Variants in NSDHL observed in about 807,000 individuals in gnomAD.
NSDHL encodes the protein sterol-4-alpha-carboxylate 3-dehydrogenase, decarboxylating.
NSDHL carries 1 observed loss-of-function variant against 23.0 expected under a neutral mutation model. The observed-to-expected ratio is 0.04, with a 90% CI of 0.02 to 0.21. The LOEUF (loss-of-function observed/expected upper bound fraction) is 0.21, where lower values mean the gene tolerates loss of function less well. Ranked by LOEUF, NSDHL falls within the 10% of genes least tolerant of loss-of-function variation. The pLI is 1.00. For synonymous variants in NSDHL, 128 were observed against 121.1 expected, an observed-to-expected ratio of 1.06 and a Z score of -0.37; for missense variants, 237 against 300.9, an observed-to-expected ratio of 0.79 and a Z score of 1.57.
chrX:152,847,581 T>C (rs1161007430), intron 2 of NSDHL, among the ~76,000 whole-genome samples: 1 of 112,120 alleles, frequency 8.9e-6, no homozygotes, highest in East Asian at 2.8e-4. Context: ...CAAACTGCCA[T>C]TTTCAGCTAG....
chrX:152,843,922 G>A (rs1933231860), intron 1 of NSDHL, among the ~76,000 whole-genome samples: 1 of 112,006 alleles, frequency 8.9e-6, no homozygotes, highest in Admixed American at 9.5e-5. Context: ...GCATCTAGTT[G>A]TTGCGACAAC....
chrX:152,864,323 C>T (rs1285148955), intron 5 of NSDHL, among the ~76,000 whole-genome samples: 1 of 112,426 alleles, frequency 8.9e-6, no homozygotes, highest in East Asian at 2.8e-4. Flanking sequence ...AGTCCTGGCT[C>T]CAGACTATGC....
At chrX:152,859,193 T>C (rs1395084485) in intron 4 of NSDHL, among the ~76,000 whole-genome samples, 4 of 112,218 alleles carry the variant, frequency 3.6e-5, no homozygotes, top group Admixed American at 9.4e-5. Context: ...AACTTAGACA[T>C]TGCTTATATT....
chrX:152,836,558 G>A (rs1220242767), intron 1 of NSDHL, among the ~76,000 whole-genome samples: 2 of 111,879 alleles, frequency 1.8e-5, no homozygotes, highest in African/African-American at 6.5e-5. Flanking sequence ...ATTAAATAGG[G>A]AATCCTTTCC....
chrX:152,834,620 T>G (rs782323012), intron 1 of NSDHL, among the ~76,000 whole-genome samples: 4 of 112,772 alleles, frequency 3.5e-5, no homozygotes, highest in Admixed American at 1.9e-4. Context: ...GTATTTTCTC[T>G]AAGAAATATG....
intron 1 of NSDHL, among the ~76,000 whole-genome samples, chrX:152,838,212 G>A (rs1322678997): frequency 2.7e-5 from 3 of 111,133 alleles, no homozygotes; most frequent in Admixed American, 9.5e-5. Context: ...TCTTGCTAGC[G>A]GTCTATCAAT....
chrX:152,844,041 A>G (rs782347392), intron 1 of NSDHL, among the ~76,000 whole-genome samples: 12 of 111,940 alleles, frequency 1.1e-4, no homozygotes, highest in Non-Finnish European at 1.7e-4. Flanking sequence ...ATAGGGGAGA[A>G]CTAAAGTGGT....
chrX:152,835,303 T>TC (rs1348295808), intron 1 of NSDHL, among the ~76,000 whole-genome samples: 1 of 110,129 alleles, frequency 9.1e-6, no homozygotes, highest in African/African-American at 3.3e-5. Context: ...CTCTTTTTTT[T>TC]TTTTTAATTA....
intron 6 of NSDHL, among the ~76,000 whole-genome samples, chrX:152,866,270 A>G (rs1933606173): frequency 8.9e-6 from 1 of 112,034 alleles, no homozygotes; most frequent in African/African-American, 3.2e-5. Context: ...CTCTTTTATG[A>G]GGACACTAAT....
In NSDHL at chrX:152,862,580, G is replaced by A; in HGVS notation, c.415-16G>A. 8.3e-7 allele frequency: 1 copy of A among 1,203,347 alleles called. No individual in the cohort carries two copies. Among genetic ancestry groups the A allele is most frequent in the Non-Finnish European group, 1.1e-6 (1 of 888,151 alleles). ...ATAATTTGTGACTTTTATTTTTTCT[G>A]ACCTTCCTCTGTCAGAAACTCATTT... On this transcript the variant is annotated splice_polypyrimidine_tract_variant and intron_variant, in intron 4 of 7. Coordinates refer to ENST00000370274, the MANE Select transcript of NSDHL (RefSeq NM_015922.3).
At chrX:152,841,906 T>C (rs888915203) in intron 1 of NSDHL, among the ~76,000 whole-genome samples, 1 of 112,277 alleles carries the variant, frequency 8.9e-6, no homozygotes, top group Non-Finnish European at 1.9e-5. Context: ...CAGAACTCTT[T>C]TCCTCCTGCA....
chrX:152,847,674 T>G (rs1933294657), intron 2 of NSDHL, among the ~76,000 whole-genome samples: 1 of 111,778 alleles, frequency 8.9e-6, no homozygotes, highest in South Asian at 3.7e-4. Context: ...GTTCTAAATT[T>G]AGACTACTAA....
chrX:152,867,652 A>G lies in NSDHL; in HGVS notation c.768A>G (p.Arg256=). 1 of 1,203,316 alleles carries G rather than the reference A, an allele frequency of 8.3e-7. No individual in the cohort carries two copies. ...GHILAAEQLS[R]DSTLGGKAFH... ...TCCTGGCGGCAGAGCAGCTCTCCCGAGACTCGACACTGGGTGGGAAGGTAA... is the reference window on the plus strand; with the variant it reads ...TCCTGGCGGCAGAGCAGCTCTCCCGGGACTCGACACTGGGTGGGAAGGTAA... The change falls in exon 7 of 8, where the codon CGA becomes CGG. Residue 256 remains arginine (R), a synonymous_variant. Transcript: ENST00000370274.
intron 1 of NSDHL, among the ~76,000 whole-genome samples, chrX:152,835,570 A>G (rs1933082610): frequency 9.5e-6 from 1 of 105,449 alleles, no homozygotes; most frequent in African/African-American, 3.5e-5. Context: ...TGTCCTTGTG[A>G]TAGTTTGCTG....
At chrX:152,836,451 C>G (rs782461095) in intron 1 of NSDHL, among the ~76,000 whole-genome samples, 1 of 111,944 alleles carries the variant, frequency 8.9e-6, no homozygotes, top group South Asian at 3.7e-4. Context: ...ACATTTAAGT[C>G]TTTAATCCAT....
At position 152,869,669 on chromosome X, in the gene NSDHL, T is replaced by C. The variant is rs1602946117; in HGVS notation, c.*553T>C. 1 of 129,298 alleles carries C rather than the reference T, an allele frequency of 7.7e-6. No individual in the cohort carries two copies. Among genetic ancestry groups the C allele is most frequent in the Middle Eastern group, 3.9e-3 (1 of 258 alleles). The allele number at this position is 129,298 out of a possible 1,213,427, so 10.7% of individuals were successfully genotyped here. ...AAGCTGAAAGCTGAAATGACTGTAA[T>C]TCCTCCCCAGTCTCTGTTGCTTGTT... On this transcript the variant is annotated 3_prime_UTR_variant, in exon 8 of 8. Transcript: ENST00000370274.
At chrX:152,861,665 G>A (rs782731580) in intron 4 of NSDHL, among the ~76,000 whole-genome samples, 50 of 112,513 alleles carry the variant, frequency 4.4e-4, no homozygotes, top group Non-Finnish European at 2.6e-4. Flanking sequence ...TGTTTATCTC[G>A]CTCTTTAATG....
At chrX:152,834,797 A>G (rs782302121) in intron 1 of NSDHL, among the ~76,000 whole-genome samples, 1 of 112,486 alleles carries the variant, frequency 8.9e-6, no homozygotes, top group South Asian at 3.7e-4. Flanking sequence ...TTCCAAAGAA[A>G]GTTCTAAGAA....
Position 152,867,657 on chromosome X carries a change from C to T in NSDHL, c.773C>T (p.Ser258Leu), listed in dbSNP as rs373717198. ...ILAAEQLSRD[S>L]TLGGKAFHIT... Reference sequence around the variant, plus strand: ...GCGGCAGAGCAGCTCTCCCGAGACTCGACACTGGGTGGGAAGGTAAGGCCT... The same window carrying T: ...GCGGCAGAGCAGCTCTCCCGAGACTTGACACTGGGTGGGAAGGTAAGGCCT... Residue 258 changes from serine (S) to leucine (L), a missense_variant, in exon 7 of 8, where the codon TCG becomes TTG. Coordinates refer to ENST00000370274, the MANE Select transcript of NSDHL (RefSeq NM_015922.3). 392 of 1,198,906 alleles carry T rather than the reference C, an allele frequency of 3.3e-4. No homozygotes were observed. Among genetic ancestry groups the T allele is most frequent in the Admixed American group, 8.5e-4 (39 of 45,850 alleles).
Sources: gnomAD v4.1 joint callset for allele counts (sites outside exome capture counted in the v4.1 genomes callset) on GRCh38, gnomAD v4.1.1 for gene constraint, MANE v1.5 for transcripts, NCBI Gene and HGNC (gene_info 2026-07-23, HGNC 2026-07-21) for gene names.